The following PICALM variants were observed in gnomAD, a reference collection of about 807,000 sequenced individuals.
PICALM encodes phosphatidylinositol binding clathrin assembly protein.
A neutral mutation model predicts 80.5 loss-of-function variants in PICALM; 40 were observed. The ratio of observed to expected loss-of-function variants is 0.50; its 90% CI spans 0.39 to 0.65. The LOEUF is 0.65. Among genes scored for constraint, PICALM ranks in the 30% least tolerant of loss-of-function variants. The pLI is 0.00. For synonymous variants in PICALM, 288 were observed against 260.3 expected, an observed-to-expected ratio of 1.11 and a Z score of -1.02; for missense variants, 676 against 778.9, an observed-to-expected ratio of 0.87 and a Z score of 1.57.
intron 12 of PICALM, among the ~76,000 whole-genome samples, chr11:85,996,089 TAC>T (rs2094950932): frequency 1.1e-4 from 16 of 152,174 alleles, no homozygotes; most frequent in African/African-American, 3.9e-4. Context: ...TCACAGAGCT[TAC>T]TTTCTAGGAT....
At chr11:86,025,600 C>T (rs1357350260) in intron 3 of PICALM, among the ~76,000 whole-genome samples, 3 of 151,116 alleles carry the variant, frequency 2.0e-5, no homozygotes, top group Admixed American at 1.3e-4. Flanking sequence ...GCTTTGTCAC[C>T]CAGGCTGGAG....
intron 12 of PICALM, among the ~76,000 whole-genome samples, chr11:85,996,524 G>T (rs919089221): frequency 6.6e-6 from 1 of 151,504 alleles, no homozygotes; most frequent in Non-Finnish European, 1.5e-5. Context: ...GCATTTTCTG[G>T]TTATGGAATA....
intron 14 of PICALM, chr11:85,982,237 T>C (rs2094459973): frequency 2.2e-6 from 1 of 455,676 alleles, no homozygotes. Context: ...ATGACAAAAT[T>C]ACATTAGGGT....
rs2096483129 is a variant in PICALM at position 86,068,678 on chromosome 11, T to A, written c.103A>T (p.Met35Leu). The change falls in exon 1 of 20, where the codon ATG (methionine) becomes TTG (leucine). Residue 35 changes from methionine to leucine, a missense_variant. By Grantham distance (15) the Met-to-Leu change is conservative (BLOSUM62 2). Transcript: ENST00000393346. ...TVCKATTHEI[M>L]GPKKKHLDYL... is the part of the protein sequence containing the mutation. ...TCCAGGTGCTTTTTCTTGGGCCCCA[T>A]GATCTCGTGGGTCGTGGCCTTGCAT... The A allele has an allele frequency of 6.2e-7, 1 of 1,612,762 alleles. No individual in the cohort carries two copies. Among genetic ancestry groups the A allele is most frequent in the Non-Finnish European group, 8.5e-7 (1 of 1,179,498 alleles).
chr11:85,959,633 C>CAAAAAAAAA (rs1161064257), intron 19 of PICALM, among the ~76,000 whole-genome samples: 1 of 45,196 alleles, frequency 2.2e-5, no homozygotes, highest in Admixed American at 3.1e-4. Context: ...AACTCCATCT[C>CAAAAAAAAA]AAAAAAAAAA....
In PICALM at chr11:86,019,502, A is replaced by G. The variant is rs182885302; in HGVS notation, c.452+2865T>C. Among the ~76,000 whole-genome samples the G allele has an allele frequency of 4.1e-3, 621 of 152,358 alleles. 4 individuals are homozygous for G. The highest frequency in any genetic ancestry group is 0.014 in the African/African-American group (592 of 41,580). ...AGACTGGCCCTTCAAATTAGAACAA[A>G]AGTTACCATTTTAAAAATCTATTAT... is the stretch of plus-strand genomic sequence containing the variant. On this transcript the variant is annotated intron_variant, in intron 4 of 19. Transcript: ENST00000393346.
At chr11:86,028,438 A>G (rs1366091025) in intron 2 of PICALM, among the ~76,000 whole-genome samples, 3 of 152,262 alleles carry the variant, frequency 2.0e-5, no homozygotes, top group African/African-American at 7.2e-5. Flanking sequence ...AGATTATTTT[A>G]CCCAAAATGG....
intron 7 of PICALM, among the ~76,000 whole-genome samples, chr11:86,009,135 T>C (rs1325774534): frequency 1.3e-5 from 2 of 149,726 alleles, no homozygotes; most frequent in South Asian, 2.1e-4. Context: ...TGAAACCTCA[T>C]CTCTAAAATT....
At chr11:85,981,249 G>C in intron 16 of PICALM, 21 bp from the exon 17 acceptor site, 1 of 1,228,470 alleles carries the variant, frequency 8.1e-7, no homozygotes, top group Non-Finnish European at 1.2e-6. Flanking sequence ...ACATAAGTGA[G>C]AATATTAAAT....
rs2093594100 is a variant in PICALM, at chr11:85,958,867, T to C, written c.*179A>G. Reference sequence around the variant, plus strand: ...TGGCTTTATAAACTGTATTGATACGTTCTCCTATAAACTAGTCCCAATTTC... The same window carrying C: ...TGGCTTTATAAACTGTATTGATACGCTCTCCTATAAACTAGTCCCAATTTC... On this transcript the variant is annotated 3_prime_UTR_variant, in exon 20 of 20. Coordinates refer to ENST00000393346, the MANE Select transcript of PICALM (RefSeq NM_007166.4). 1 of 509,270 alleles carries C rather than the reference T, an allele frequency of 2.0e-6. No homozygotes were observed. Among genetic ancestry groups the C allele is most frequent in the Admixed American group, 3.3e-5 (1 of 30,402 alleles). 31.5% of individuals were successfully genotyped at this position (509,270 alleles called of 1,614,324 possible). A position where few individuals can be genotyped will look rare whatever the true frequency, so the allele number is the denominator to read the frequency against.
At chr11:85,959,220 T>C (rs2093604492) in intron 19 of PICALM, among the ~76,000 whole-genome samples, 160 bp from the exon 20 acceptor site, 1 of 152,228 alleles carries the variant, frequency 6.6e-6, no homozygotes, top group Non-Finnish European at 1.5e-5. Context: ...TATCAACTTA[T>C]GTGCCAGAAA....
At chr11:86,019,917 G>A (rs1435296101) in intron 4 of PICALM, among the ~76,000 whole-genome samples, 2 of 152,178 alleles carry the variant, frequency 1.3e-5, no homozygotes, top group Non-Finnish European at 2.9e-5. Flanking sequence ...GGCTCAGGAA[G>A]GCATTCACCA....
intron 1 of PICALM, among the ~76,000 whole-genome samples, chr11:86,044,149 A>G (rs1047773443): frequency 3.3e-5 from 5 of 152,228 alleles, no homozygotes; most frequent in African/African-American, 9.6e-5. Context: ...TGTAATCAGT[A>G]AACAAATGAA....
At chr11:85,962,985 T>G (rs2093740869) in intron 19 of PICALM, among the ~76,000 whole-genome samples, 1 of 152,108 alleles carries the variant, frequency 6.6e-6, no homozygotes. Flanking sequence ...AGTAGCCCAA[T>G]TACTGCTCAG....
chr11:86,007,272 T>C, intron 8 of PICALM: 1 of 204,904 alleles, frequency 4.9e-6, no homozygotes, highest in Non-Finnish European at 9.8e-6. Flanking sequence ...TTTTTTTTCC[T>C]TTTTTAAACA....
chr11:86,040,974 G>C (rs2095953732), intron 1 of PICALM, among the ~76,000 whole-genome samples: 1 of 152,130 alleles, frequency 6.6e-6, no homozygotes, highest in Admixed American at 6.5e-5. Flanking sequence ...TGTATGTATA[G>C]GATTCAGAGA....
intron 13 of PICALM, among the ~76,000 whole-genome samples, chr11:85,984,197 G>T (rs1280709111): frequency 1.3e-5 from 2 of 152,040 alleles, no homozygotes; most frequent in Non-Finnish European, 2.9e-5. Flanking sequence ...AACTCACACT[G>T]AACTGAAAAT....
chr11:86,040,259 T>C (rs2095935785), intron 1 of PICALM, among the ~76,000 whole-genome samples: 4 of 152,098 alleles, frequency 2.6e-5, no homozygotes, highest in Admixed American at 2.6e-4. Flanking sequence ...TATACATGAA[T>C]GTAAAATGAG....
intron 19 of PICALM, among the ~76,000 whole-genome samples, chr11:85,969,191 C>T (rs1171366307): frequency 1.3e-5 from 2 of 152,110 alleles, no homozygotes; most frequent in Admixed American, 1.3e-4. Context: ...ATGTAAGACA[C>T]ACAACACACT....
Sources: gnomAD v4.1 joint callset for allele counts (sites outside exome capture counted in the v4.1 genomes callset) on GRCh38, gnomAD v4.1.1 for gene constraint, MANE v1.5 for transcripts, NCBI Gene and HGNC (gene_info 2026-07-23, HGNC 2026-07-21) for gene names.